Variants in RAPGEF6 observed in about 807,000 individuals in gnomAD.
RAPGEF6 encodes the protein Rap guanine nucleotide exchange factor 6.
A neutral mutation model predicts 171.4 loss-of-function variants in RAPGEF6; 56 were observed. The ratio of observed to expected loss-of-function variants is 0.33; its 90% CI spans 0.26 to 0.41. The LOEUF (loss-of-function observed/expected upper bound fraction) is 0.41. RAPGEF6 is among the 10% of genes least tolerant of loss of function. The pLI is 1.00. For missense variants in RAPGEF6, 1,674 were observed against 1,921.4 expected, an observed-to-expected ratio of 0.87 and a Z score of 2.41; for synonymous variants, 692 against 650.1, an observed-to-expected ratio of 1.06 and a Z score of -0.98.
At chr5:131,484,285 G>T (rs1274378217) in intron 15 of RAPGEF6, among the ~76,000 whole-genome samples, 1 of 128,408 alleles carries the variant, frequency 7.8e-6, no homozygotes, top group East Asian at 2.3e-4. Flanking sequence ...GGAGTGCAGT[G>T]GTGCGATCTT....
At chr5:131,607,099 G>A (rs1360960765) in intron 1 of RAPGEF6, among the ~76,000 whole-genome samples, 1 of 152,138 alleles carries the variant, frequency 6.6e-6, no homozygotes, top group Non-Finnish European at 1.5e-5. Context: ...TTGGCAGTTA[G>A]AATACCCTAA....
intron 6 of RAPGEF6, among the ~76,000 whole-genome samples, chr5:131,524,430 A>G (rs966066027): frequency 5.9e-5 from 9 of 152,224 alleles, no homozygotes; most frequent in Non-Finnish European, 1.3e-4. Flanking sequence ...TGATTTAAGA[A>G]AAGCATAGTA....
At chr5:131,530,857 T>A (rs190138404) in intron 6 of RAPGEF6, among the ~76,000 whole-genome samples, 120 of 152,332 alleles carry the variant, frequency 7.9e-4, no homozygotes, top group Middle Eastern at 3.4e-3. Flanking sequence ...AAAGTTTTTT[T>A]TACACGGTCT....
At chr5:131,512,726 T>C (rs1045383187) in intron 7 of RAPGEF6, among the ~76,000 whole-genome samples, 1 of 152,148 alleles carries the variant, frequency 6.6e-6, no homozygotes, top group Non-Finnish European at 1.5e-5. Flanking sequence ...TTTTGAGTGA[T>C]GGAATTATGA....
At chr5:131,469,989 C>T (rs1754633477) in intron 17 of RAPGEF6, among the ~76,000 whole-genome samples, 1 of 151,832 alleles carries the variant, frequency 6.6e-6, no homozygotes, top group South Asian at 2.1e-4. Context: ...TTACACATGT[C>T]CTATAATATA....
chr5:131,429,759 G>A (rs982670802), intron 26 of RAPGEF6, among the ~76,000 whole-genome samples: 17 of 152,040 alleles, frequency 1.1e-4, no homozygotes, highest in African/African-American at 3.9e-4. Flanking sequence ...ATTCCTTCAA[G>A]AACTTTACTT....
At chr5:131,436,702 A>T (rs1752033706) in intron 24 of RAPGEF6, among the ~76,000 whole-genome samples, 1 of 152,240 alleles carries the variant, frequency 6.6e-6, no homozygotes, top group Non-Finnish European at 1.5e-5. Context: ...CAAAAATATC[A>T]GGTAACTAGA....
chr5:131,555,466 G>A (rs1251556236), intron 5 of RAPGEF6, among the ~76,000 whole-genome samples: 1 of 151,810 alleles, frequency 6.6e-6, no homozygotes, highest in Non-Finnish European at 1.5e-5. Flanking sequence ...TTTTAGACTG[G>A]AGTTTTTCTT....
At chr5:131,613,752 A>G (rs974900022) in intron 1 of RAPGEF6, among the ~76,000 whole-genome samples, 1 of 152,110 alleles carries the variant, frequency 6.6e-6, no homozygotes, top group Non-Finnish European at 1.5e-5. Flanking sequence ...ACCACCTTAT[A>G]AGTTTCAGTG....
chr5:131,510,307 T>C lies in RAPGEF6; in HGVS notation c.805+7A>G. The C allele has an allele frequency of 7.5e-6, 12 of 1,609,724 alleles. No homozygotes were observed. Among genetic ancestry groups the C allele is most frequent in the Non-Finnish European group, 1.0e-5 (12 of 1,178,472 alleles). ...AAATTCTTATTGTGAACACATATAT[T>C]TCTTACCAATGTCATCATCAGTTTT... On this transcript the variant is annotated splice_region_variant and intron_variant, in intron 8 of 27. Transcript: ENST00000509018.
At chr5:131,564,154 G>C (rs1261731450) in intron 4 of RAPGEF6, among the ~76,000 whole-genome samples, 1 of 152,132 alleles carries the variant, frequency 6.6e-6, no homozygotes, top group African/African-American at 2.4e-5. Flanking sequence ...TAAGCGTTTT[G>C]GGGTGTGGAT....
chr5:131,432,526 G>A (rs540160429), intron 25 of RAPGEF6, among the ~76,000 whole-genome samples: 1 of 152,250 alleles, frequency 6.6e-6, no homozygotes, highest in Non-Finnish European at 1.5e-5. Flanking sequence ...GCTGAGGCAG[G>A]AGAACAGCGT....
chr5:131,510,181 A>C, intron 8 of RAPGEF6, 133 bp downstream of exon 8: 1 of 943,554 alleles, frequency 1.1e-6, no homozygotes, highest in Non-Finnish European at 1.5e-6. Context: ...CCTAAATTTG[A>C]CTCACAAAAA....
At chr5:131,445,556 T>G (rs2149816047) in intron 22 of RAPGEF6, among the ~76,000 whole-genome samples, 1 of 150,204 alleles carries the variant, frequency 6.7e-6, no homozygotes, top group Middle Eastern at 3.4e-3. Context: ...TTTGTAAATT[T>G]AACCCACTGC....
In RAPGEF6 at chr5:131,453,145, A is replaced by T; in HGVS notation, c.3109T>A (p.Phe1037Ile). ...NDSKVDGLVN[F>I]EKLRMISKEI... ...TTGGAAATCATTCTTAACTTCTCAA[A>T]GTTTACTAAACCATCTACTTTGGAG... The change falls in exon 21 of 28, where the codon TTT becomes ATT. Residue 1037 changes from phenylalanine (F) to isoleucine (I), a missense_variant. Phe to Ile is a conservative substitution (Grantham distance 21, BLOSUM62 0). Transcript: ENST00000509018. 6.2e-7 allele frequency: 1 copy of T among 1,613,790 alleles called. No homozygotes were observed. Among genetic ancestry groups the T allele is most frequent in the South Asian group, 1.1e-5 (1 of 91,014 alleles).
At chr5:131,517,627 C>G (rs893734947) in intron 7 of RAPGEF6, among the ~76,000 whole-genome samples, 1 of 146,762 alleles carries the variant, frequency 6.8e-6, no homozygotes, top group Non-Finnish European at 1.5e-5. Context: ...CATACATTGG[C>G]AATGTACACC....
intron 5 of RAPGEF6, among the ~76,000 whole-genome samples, chr5:131,556,200 G>A (rs1761226462): frequency 6.6e-6 from 1 of 152,220 alleles, no homozygotes; most frequent in Non-Finnish European, 1.5e-5. Flanking sequence ...AGCACTTCGG[G>A]AGGCCGAGGT....
chr5:131,601,180 T>TC (rs1764229073), intron 3 of RAPGEF6, among the ~76,000 whole-genome samples: 1 of 151,342 alleles, frequency 6.6e-6, no homozygotes, highest in Admixed American at 6.6e-5. Flanking sequence ...GGTCACGAGT[T>TC]CAAGACCAGC....
chr5:131,606,778 A>G (rs1764621539), intron 1 of RAPGEF6, among the ~76,000 whole-genome samples: 1 of 152,174 alleles, frequency 6.6e-6, no homozygotes. Context: ...TGAGACCACT[A>G]ATGTTGTGAG....
Sources: gnomAD v4.1 joint callset for allele counts (sites outside exome capture counted in the v4.1 genomes callset) on GRCh38, gnomAD v4.1.1 for gene constraint, MANE v1.5 for transcripts, NCBI Gene and HGNC (gene_info 2026-07-23, HGNC 2026-07-21) for gene names.